The following NKAIN3 variants were observed in gnomAD, a reference collection of about 807,000 sequenced individuals.
NKAIN3 encodes the protein sodium/potassium transporting ATPase interacting 3, also known as sodium/potassium-transporting ATPase subunit beta-1-interacting protein 3.
In NKAIN3, 25 loss-of-function variants were observed where a neutral mutation model predicts 30.2. The observed-to-expected ratio is 0.83, with a 90% CI of 0.60 to 1.16. The LOEUF (loss-of-function observed/expected upper bound fraction) is 1.16. Ranked by LOEUF, NKAIN3 falls within the 50% of genes most tolerant of loss-of-function variation. The pLI is 0.00. For synonymous variants in NKAIN3, 91 were observed against 89.6 expected (o/e 1.02, Z -0.09); for missense variants, 225 against 254.1 (o/e 0.89, Z 0.78).
chr8:62,475,017 A>C (rs13254759), intron 1 of NKAIN3, among the ~76,000 whole-genome samples: 25,564 of 152,138 alleles, frequency 0.17, 2,249 homozygotes, highest in Middle Eastern at 0.19. Flanking sequence ...AATAATTTTA[A>C]AAGTCATAGC....
intron 1 of NKAIN3, among the ~76,000 whole-genome samples, chr8:62,500,328 A>G (rs1056857817): frequency 6.6e-6 from 1 of 151,990 alleles, no homozygotes; most frequent in East Asian, 1.9e-4. Flanking sequence ...TAATGACACC[A>G]TGTCTTCCAT....
At chr8:62,834,401 C>A (rs919668857) in intron 4 of NKAIN3, among the ~76,000 whole-genome samples, 3 of 152,022 alleles carry the variant, frequency 2.0e-5, no homozygotes, top group African/African-American at 7.2e-5. Context: ...TCTTTGCTGA[C>A]AATATGATTC....
At chr8:62,852,177 G>C (rs1420862293) in intron 4 of NKAIN3, among the ~76,000 whole-genome samples, 1 of 152,148 alleles carries the variant, frequency 6.6e-6, no homozygotes, top group African/African-American at 2.4e-5. Flanking sequence ...TCCTGATTTA[G>C]TCTTGGGAGG....
intron 1 of NKAIN3, among the ~76,000 whole-genome samples, chr8:62,472,001 G>T (rs888925042): frequency 6.7e-6 from 1 of 149,924 alleles, no homozygotes; most frequent in Non-Finnish European, 1.5e-5. Context: ...GCCCAGCCTG[G>T]GTGTCAGAGC....
At chr8:62,849,015 C>A (rs1266088170) in intron 4 of NKAIN3, among the ~76,000 whole-genome samples, 4 of 152,110 alleles carry the variant, frequency 2.6e-5, no homozygotes, top group South Asian at 2.1e-4. Context: ...ATGAAGCCAA[C>A]TTGATTGTGG....
intron 4 of NKAIN3, among the ~76,000 whole-genome samples, chr8:62,802,054 A>T (rs1818083636): frequency 2.0e-5 from 3 of 152,202 alleles, no homozygotes; most frequent in Admixed American, 6.5e-5. Context: ...TGAAGCGAGA[A>T]GGGAAGTTTA....
At chr8:62,869,991 C>T (rs1427827769) in intron 4 of NKAIN3, among the ~76,000 whole-genome samples, 1 of 151,528 alleles carries the variant, frequency 6.6e-6, no homozygotes, top group African/African-American at 2.4e-5. Flanking sequence ...AAGATGGTCT[C>T]GATCTCCTGA....
chr8:62,729,404 C>A (rs1815395550), intron 3 of NKAIN3, among the ~76,000 whole-genome samples: 1 of 152,098 alleles, frequency 6.6e-6, no homozygotes, highest in South Asian at 2.1e-4. Flanking sequence ...AACAGAAAGT[C>A]TAATTCAATA....
At chr8:62,468,019 C>T (rs533881545) in intron 1 of NKAIN3, among the ~76,000 whole-genome samples, 25 of 152,192 alleles carry the variant, frequency 1.6e-4, no homozygotes, top group African/African-American at 4.3e-4. Flanking sequence ...GTGATCCACC[C>T]GCCTCAGAGT....
chr8:62,545,156 T>C (rs556111846), intron 1 of NKAIN3, among the ~76,000 whole-genome samples: 1 of 152,222 alleles, frequency 6.6e-6, no homozygotes, highest in East Asian at 1.9e-4. Context: ...TTTCCTAAGA[T>C]CCAAAAATAC....
chr8:62,435,582 A>T (rs1409427448), intron 1 of NKAIN3, among the ~76,000 whole-genome samples: 1 of 152,150 alleles, frequency 6.6e-6, no homozygotes, highest in Non-Finnish European at 1.5e-5. Flanking sequence ...TCACTATGCT[A>T]ATTTTTAGTC....
chr8:62,990,600 TCTCTTC>T (rs1255061115), intron 5 of NKAIN3: 2 of 157,948 alleles, frequency 1.3e-5, no homozygotes, highest in African/African-American at 4.8e-5. Flanking sequence ...GTAGCACCTC[TCTCTTC>T]CTCTAAGATC....
intron 1 of NKAIN3, among the ~76,000 whole-genome samples, chr8:62,276,357 C>T (rs1348145344): frequency 6.6e-6 from 1 of 152,134 alleles, no homozygotes; most frequent in African/African-American, 2.4e-5. Flanking sequence ...TGAGCCACTG[C>T]GCCCAGCCTG....
intron 1 of NKAIN3, among the ~76,000 whole-genome samples, chr8:62,570,065 G>A (rs542000384): frequency 6.6e-6 from 1 of 152,220 alleles, no homozygotes; most frequent in Non-Finnish European, 1.5e-5. Context: ...CTTTTTCATT[G>A]TGTCTACCTG....
intron 3 of NKAIN3, among the ~76,000 whole-genome samples, chr8:62,679,283 C>T (rs935736785): frequency 1.3e-5 from 2 of 152,134 alleles, no homozygotes; most frequent in Middle Eastern, 3.4e-3. Flanking sequence ...GCTTCCCATA[C>T]AGAAGTAAGC....
intron 4 of NKAIN3, among the ~76,000 whole-genome samples, chr8:62,833,276 T>A (rs532368738): frequency 1.4e-4 from 21 of 150,716 alleles, no homozygotes; most frequent in African/African-American, 5.1e-4. Context: ...ATCACACAAA[T>A]ACAAGAACAA....
intron 4 of NKAIN3, among the ~76,000 whole-genome samples, chr8:62,837,146 G>C (rs1242114684): frequency 6.6e-6 from 1 of 152,042 alleles, no homozygotes; most frequent in Admixed American, 6.6e-5. Flanking sequence ...TGTGTATAAC[G>C]CACTGGCATT....
chr8:62,348,257 A>T (rs1477757181), intron 1 of NKAIN3, among the ~76,000 whole-genome samples: 2 of 152,182 alleles, frequency 1.3e-5, no homozygotes, highest in Admixed American at 6.6e-5. Flanking sequence ...TTCACTAAGA[A>T]TAAATTATTC....
downstream of NKAIN3, chr8:62,984,974 T>C (rs1292642406): frequency 1.3e-5 from 2 of 152,238 alleles, no homozygotes; most frequent in African/African-American, 4.8e-5. Flanking sequence ...AGAAACCATA[T>C]GCATCTTGAA....
Sources: allele counts gnomAD v4.1 joint callset (sites outside exome capture counted in the v4.1 genomes callset), GRCh38; gene constraint gnomAD v4.1.1; transcripts MANE v1.5; gene names NCBI Gene and HGNC (gene_info 2026-07-23, HGNC 2026-07-21).